USP42: variants seen among roughly 807,000 people sequenced by gnomAD.
USP42 encodes the protein ubiquitin specific peptidase 42, also known as ubiquitin carboxyl-terminal hydrolase 42.
USP42 carries 23 observed loss-of-function variants against 113.0 expected under a neutral mutation model. That is an observed-to-expected ratio of 0.20 (90% CI 0.15 to 0.29). The LOEUF (loss-of-function observed/expected upper bound fraction) is 0.29, where lower values mean the gene tolerates loss of function less well. USP42 is among the 10% of genes least tolerant of loss of function. USP42 has a pLI of 1.00. For missense variants in USP42, 2,174 were observed against 1,779.8 expected, an observed-to-expected ratio of 1.22 and a Z score of -3.99; for synonymous variants, 933 against 699.0, an observed-to-expected ratio of 1.33 and a Z score of -5.28.
the USP42 span, among the ~76,000 whole-genome samples, chr7:6,094,274 A>C: frequency 6.6e-6 from 1 of 151,150 alleles, no homozygotes; most frequent in South Asian, 2.1e-4. Flanking sequence ...CCTGGGCTCA[A>C]GCGATCCTCC....
At chr7:6,094,350 T>C in the USP42 span, among the ~76,000 whole-genome samples, 1 of 151,042 alleles carries the variant, frequency 6.6e-6, no homozygotes, top group Non-Finnish European at 1.5e-5. Flanking sequence ...TTTTTATTTT[T>C]TGTAGAGTCA....
chr7:6,139,291 C>A lies in USP42; in HGVS notation c.656+97C>A. ...ATTTTCACCTTTTTTGTTGGAAGCA[C>A]ACAGAACAGTGTTCACTTTACCTTT... On this transcript the variant is annotated intron_variant, in intron 5 of 17. Coordinates refer to ENST00000306177, the MANE Select transcript of USP42 (RefSeq NM_032172.3). The surrounding 1 kb of genome is among the most constrained non-coding windows in gnomAD (Gnocchi z 4.5). 1 of 970,272 alleles carries A rather than the reference C, an allele frequency of 1.0e-6. No homozygotes were observed. Among genetic ancestry groups the A allele is most frequent in the Non-Finnish European group, 1.5e-6 (1 of 665,684 alleles). The allele number at this position is 970,272 out of a possible 1,614,324, so 60.1% of individuals were successfully genotyped here.
intron 2 of USP42, among the ~76,000 whole-genome samples, chr7:6,112,658 A>G (rs923913630): frequency 2.0e-5 from 3 of 152,202 alleles, no homozygotes; most frequent in Admixed American, 6.5e-5. Flanking sequence ...GGCTTAGAGC[A>G]TGCAGCCCAG....
At chr7:6,087,340 C>CT in the USP42 span, among the ~76,000 whole-genome samples, 3,354 of 116,462 alleles carry the variant, frequency 0.029, 183 homozygotes, top group East Asian at 0.097. Flanking sequence ...CTAAGCGCTT[C>CT]TTTTTTTTTT....
chr7:6,146,013 G>A, intron 10 of USP42, 135 bp from the exon 11 acceptor site: 1 of 727,650 alleles, frequency 1.4e-6, no homozygotes, highest in Non-Finnish European at 2.3e-6. Flanking sequence ...GAGATTGCAA[G>A]ATCACGCCAC....
intron 2 of USP42, among the ~76,000 whole-genome samples, chr7:6,114,218 A>T (rs1201879497): frequency 6.6e-6 from 1 of 152,210 alleles, no homozygotes; most frequent in Admixed American, 6.5e-5. Flanking sequence ...CATTTGGCCT[A>T]GTAAGGGCTC....
rs1859546 is a variant in USP42 at position 6,159,920 on chromosome 7, C to T, written c.*36+427C>T. ...GTCCCGTCCCCTGTGCTGCTGTCTG[C>T]GCCCCGAGGTGGCACTGAGCTGGAG... On this transcript the variant is annotated intron_variant, in intron 17 of 17. Coordinates refer to ENST00000306177, the MANE Select transcript of USP42 (RefSeq NM_032172.3). The surrounding 1 kb of genome is among the most constrained non-coding windows in gnomAD (Gnocchi z 4.1). Among the ~76,000 whole-genome samples, 21 of 152,376 alleles carry T rather than the reference C, an allele frequency of 1.4e-4. No individual in the cohort carries two copies. The East Asian group carries it at 2.7e-3, about 20-fold the overall frequency.
chr7:6,099,376 G>A, the USP42 span, among the ~76,000 whole-genome samples: 20,868 of 148,294 alleles, frequency 0.14, 2,481 homozygotes, highest in Admixed American at 0.22. Context: ...CACCATGCCC[G>A]GCTAATTTTT....
chr7:6,153,686 C>G (rs1782203719), intron 14 of USP42, 70 bp from the exon 15 acceptor site: 2 of 1,386,414 alleles, frequency 1.4e-6, no homozygotes, highest in Non-Finnish European at 1.9e-6. Flanking sequence ...AGTATTTGTC[C>G]TTGTAATGCA....
At chr7:6,112,462 GAAAA>G (rs896790938) in intron 2 of USP42, among the ~76,000 whole-genome samples, 2 of 145,424 alleles carry the variant, frequency 1.4e-5, no homozygotes, top group Admixed American at 6.9e-5. Flanking sequence ...AAAGAAAAAA[GAAAA>G]AAAAAAGAGA....
chr7:6,083,575 T>C, the USP42 span, among the ~76,000 whole-genome samples: 1 of 150,384 alleles, frequency 6.6e-6, no homozygotes, highest in Admixed American at 6.6e-5. Context: ...TATATATGTA[T>C]GTATACATAT....
rs12532568 is a variant in USP42, at chr7:6,109,284, G to A, written c.-9-1841G>A. 3.1e-3 allele frequency among the ~76,000 whole-genome samples: 472 copies of A among 152,288 alleles called. 11 individuals are homozygous for A. The highest frequency in any genetic ancestry group is 0.029 in the Admixed American group (438 of 15,288). Reference sequence around the variant, plus strand: ...GACTTCAGCATGGTGGGAACGTGACGGAGAGGGTGTTTGGCGAGGTTATTA... The same window carrying A: ...GACTTCAGCATGGTGGGAACGTGACAGAGAGGGTGTTTGGCGAGGTTATTA... On this transcript the variant is annotated intron_variant, in intron 1 of 17. Coordinates refer to ENST00000306177, the MANE Select transcript of USP42 (RefSeq NM_032172.3).
chr7:6,082,341 G>T, the USP42 span, among the ~76,000 whole-genome samples: 1 of 152,018 alleles, frequency 6.6e-6, no homozygotes, highest in South Asian at 2.1e-4. Context: ...TGTTAGCCAG[G>T]ATGGTCTCGA....
chr7:6,113,835 A>G (rs1355386766), intron 2 of USP42, among the ~76,000 whole-genome samples: 1 of 151,886 alleles, frequency 6.6e-6, no homozygotes, highest in Non-Finnish European at 1.5e-5. Flanking sequence ...GTTAGCCTGA[A>G]TAGTCTCGAT....
At chr7:6,140,029 T>G (rs756941504) in intron 5 of USP42, 99 bp from the exon 6 acceptor site, 11 of 1,114,008 alleles carry the variant, frequency 9.9e-6, no homozygotes, top group Non-Finnish European at 2.8e-6. Context: ...CTGTTTGAAT[T>G]CTTGATCTTT....
At chr7:6,156,403 G>C (rs1782445892) in intron 15 of USP42, among the ~76,000 whole-genome samples, 1 of 152,192 alleles carries the variant, frequency 6.6e-6, no homozygotes, top group African/African-American at 2.4e-5. Flanking sequence ...TGGAGCTAAA[G>C]TTGGTGAATT....
chr7:6,083,625 T>C, the USP42 span, among the ~76,000 whole-genome samples: 1 of 150,360 alleles, frequency 6.7e-6, no homozygotes, highest in Non-Finnish European at 1.5e-5. Context: ...CCGCAATAAA[T>C]ATATGTAACA....
intron 4 of USP42, 70 bp downstream of exon 4, chr7:6,136,021 T>TC (rs373682976): frequency 0.01 from 8,978 of 858,098 alleles, 32 homozygotes; most frequent in Middle Eastern, 0.023. Flanking sequence ...TTTTTTTTTT[T>TC]CGAGACAGAG....
At chr7:6,145,494 T>C in intron 9 of USP42, 22 bp from the exon 10 acceptor site, 1 of 1,613,824 alleles carries the variant, frequency 6.2e-7, no homozygotes, top group Admixed American at 1.7e-5. Context: ...GAAATGTTTC[T>C]CCTGTTTCCA....
Sources: allele counts gnomAD v4.1 joint callset (sites outside exome capture counted in the v4.1 genomes callset), GRCh38; gene constraint gnomAD v4.1.1; non-coding constraint Gnocchi (gnomAD v3.1); transcripts MANE v1.5; gene names NCBI Gene and HGNC (gene_info 2026-07-23, HGNC 2026-07-21).